CD58: variants seen among roughly 807,000 people sequenced by gnomAD.
CD58 encodes the protein lymphocyte function-associated antigen 3.
A neutral mutation model predicts 27.6 loss-of-function variants in CD58; 14 were observed. The observed-to-expected ratio is 0.51, with a 90% CI of 0.34 to 0.79. CD58 has a LOEUF of 0.79. Among genes scored for constraint, CD58 ranks in the 30% least tolerant of loss-of-function variants. CD58 has a pLI of 0.02. For synonymous variants in CD58, 117 were observed against 103.8 expected (o/e 1.13, Z -0.77); for missense variants, 268 against 301.7 (o/e 0.89, Z 0.83).
intron 2 of CD58, among the ~76,000 whole-genome samples, chr1:116,539,013 T>C (rs1176163586): frequency 6.6e-6 from 1 of 152,224 alleles, no homozygotes; most frequent in East Asian, 1.9e-4. Flanking sequence ...ATTGGGCAAG[T>C]TACTTAAATC....
rs1317264192 is a variant in CD58 at position 116,541,004 on chromosome 1, T to A, written c.364+3307A>T. Among the ~76,000 whole-genome samples the A allele has an allele frequency of 6.6e-6, 1 of 152,150 alleles. No homozygotes were observed. The highest frequency in any genetic ancestry group is 6.5e-5 in the Admixed American group (1 of 15,270). ...ATTTTATTTTTGTAGAGATGGAGTCTTGCTATGTTGCCTAGGATGGTCTTG... is the reference window on the plus strand; with the variant it reads ...ATTTTATTTTTGTAGAGATGGAGTCATGCTATGTTGCCTAGGATGGTCTTG... On this transcript the variant is annotated intron_variant, in intron 2 of 5. Coordinates refer to ENST00000369489, the MANE Select transcript of CD58 (RefSeq NM_001779.3). The surrounding 1 kb of genome is among the most constrained non-coding windows in gnomAD (Gnocchi z 5.3).
chr1:116,542,865 C>T (rs1398001074), intron 2 of CD58, among the ~76,000 whole-genome samples: 2 of 152,112 alleles, frequency 1.3e-5, no homozygotes, highest in East Asian at 1.9e-4. Context: ...TGGAAATTGC[C>T]CTCTGATTGC....
rs778661814 is a variant in CD58, at chr1:116,534,501, C to T, written c.628+1464G>A. 8.5e-5 allele frequency among the ~76,000 whole-genome samples: 13 copies of T among 152,216 alleles called. No homozygotes were observed. The highest frequency in any genetic ancestry group is 1.8e-4 in the Non-Finnish European group (12 of 68,038). On this transcript the variant is annotated intron_variant, in intron 3 of 5. Coordinates refer to ENST00000369489, the MANE Select transcript of CD58 (RefSeq NM_001779.3). This position sits in a 1 kb window ranked among gnomAD's most constrained non-coding sequence, Gnocchi z 5.3. ...GAGCTGCCAGCCCCCACTCGCCGCC[C>T]TCTACGCCTCCTCCGCTGGGCCGCC...
intron 4 of CD58, among the ~76,000 whole-genome samples, chr1:116,520,714 A>G (rs958344894): frequency 9.2e-5 from 14 of 152,130 alleles, no homozygotes; most frequent in Non-Finnish European, 1.9e-4. Context: ...ATTAAAATAG[A>G]TTTTTAAAAA....
chr1:116,559,880 C>G lies in CD58; in HGVS notation c.70+11023G>C, dbSNP rs780999081. The G allele has an allele frequency of 6.5e-6, 1 of 153,046 alleles. No individual in the cohort carries two copies. The highest frequency in any genetic ancestry group is 1.5e-5 in the Non-Finnish European group (1 of 68,040). The allele number at this position is 153,046 out of a possible 1,614,324, so 9.5% of individuals were successfully genotyped here. A position where few individuals can be genotyped will look rare whatever the true frequency, so the allele number is the denominator to read the frequency against. ...CCTATGCAATCCATCAAAGTAGCTA[C>G]CAGCTACAAGTGGCTAGTGAGAACC... On this transcript the variant is annotated intron_variant, in intron 1 of 5. Coordinates refer to ENST00000369489, the MANE Select transcript of CD58 (RefSeq NM_001779.3). The surrounding 1 kb of genome is among the most constrained non-coding windows in gnomAD (Gnocchi z 4.4).
chr1:116,514,584 T>C lies in CD58; in HGVS notation c.*229A>G, dbSNP rs1302060776. Reference sequence around the variant, plus strand: ...TTTACAAAAGTATCTACATCATCAGTAAAAACAATTTACTGACAAAAAAAG... The same window carrying C: ...TTTACAAAAGTATCTACATCATCAGCAAAAACAATTTACTGACAAAAAAAG... On this transcript the variant is annotated 3_prime_UTR_variant, in exon 6 of 6. Coordinates refer to ENST00000369489, the MANE Select transcript of CD58 (RefSeq NM_001779.3). The C allele has an allele frequency of 6.3e-6, 3 of 479,722 alleles. No individual in the cohort carries two copies. The highest frequency in any genetic ancestry group is 1.1e-5 in the Non-Finnish European group (3 of 265,962). 29.7% of individuals were successfully genotyped at this position (479,722 alleles called of 1,614,324 possible).
chr1:116,566,566 C>T (rs946089259), intron 1 of CD58, among the ~76,000 whole-genome samples: 7 of 152,150 alleles, frequency 4.6e-5, no homozygotes, highest in Non-Finnish European at 7.4e-5. Context: ...GGCAGGAACA[C>T]TACAAGATGA....
chr1:116,551,664 T>TCACAA (rs1209453121), intron 1 of CD58, among the ~76,000 whole-genome samples: 3 of 152,150 alleles, frequency 2.0e-5, no homozygotes, highest in African/African-American at 7.2e-5. Flanking sequence ...TCCTTTGAAT[T>TCACAA]CACAACTTCA....
Position 116,532,512 on chromosome 1 carries a change from TGAAAG to T in CD58, c.628+3448_628+3452del, listed in dbSNP as rs1346231438. 2.0e-5 allele frequency among the ~76,000 whole-genome samples: 3 copies of T among 152,280 alleles called. No individual in the cohort carries two copies. Among genetic ancestry groups the T allele is most frequent in the East Asian group, 1.9e-4 (1 of 5,154 alleles). On this transcript the variant is annotated intron_variant, in intron 3 of 5. Transcript: ENST00000369489. The surrounding 1 kb of genome is among the most constrained non-coding windows in gnomAD (Gnocchi z 5.1). ...AAAACAGCGAGTGGGTTTCTTCAAA[TGAAAG>T]GAAAGAATTCAGTCCAACTGCAGGA...
chr1:116,552,171 C>T lies in CD58; in HGVS notation c.71-7567G>A, dbSNP rs1318565832. On this transcript the variant is annotated intron_variant, in intron 1 of 5. Coordinates refer to ENST00000369489, the MANE Select transcript of CD58 (RefSeq NM_001779.3). This position sits in a 1 kb window ranked among gnomAD's most constrained non-coding sequence, Gnocchi z 4.5. ...AGCCATTGCAGGGTTATTAAATTGG[C>T]CTAATTTCAGTATCATTGTCTCAGG... Among the ~76,000 whole-genome samples, 2 of 152,140 alleles carry T rather than the reference C, an allele frequency of 1.3e-5. No individual in the cohort carries two copies. Among genetic ancestry groups the T allele is most frequent in the Admixed American group, 6.5e-5 (1 of 15,280 alleles).
At chr1:116,554,059 C>A (rs1658480935) in intron 1 of CD58, among the ~76,000 whole-genome samples, 1 of 152,142 alleles carries the variant, frequency 6.6e-6, no homozygotes, top group African/African-American at 2.4e-5. Flanking sequence ...CACATGCATA[C>A]AATTTATTTT....
chr1:116,514,758 T>C lies in CD58; in HGVS notation c.*55A>G. On this transcript the variant is annotated 3_prime_UTR_variant, in exon 6 of 6. Transcript: ENST00000369489. ...ATACTCAAATGAGAAATCAGATGGCTTTTTAGTTTTTAAAATAATTTAGTT... is the reference window on the plus strand; with the variant it reads ...ATACTCAAATGAGAAATCAGATGGCCTTTTAGTTTTTAAAATAATTTAGTT... 3 of 1,197,032 alleles carry C rather than the reference T, an allele frequency of 2.5e-6. No individual in the cohort carries two copies. The highest frequency in any genetic ancestry group is 3.6e-6 in the Non-Finnish European group (3 of 823,328). 74.2% of individuals were successfully genotyped at this position (1,197,032 alleles called of 1,614,324 possible). A position where few individuals can be genotyped will look rare whatever the true frequency, so the allele number is the denominator to read the frequency against.
chr1:116,561,017 A>C (rs1385266546), intron 1 of CD58, among the ~76,000 whole-genome samples: 1 of 152,236 alleles, frequency 6.6e-6, no homozygotes, highest in Admixed American at 6.5e-5. Flanking sequence ...GCACTTGTGC[A>C]GAAACAGCAT....
At chr1:116,560,684 G>A (rs1308363319) in intron 1 of CD58, among the ~76,000 whole-genome samples, 1 of 152,196 alleles carries the variant, frequency 6.6e-6, no homozygotes, top group East Asian at 1.9e-4. Flanking sequence ...GGGGAACATT[G>A]TAAAGTAAGC....
chr1:116,533,868 C>T lies in CD58; in HGVS notation c.628+2097G>A, dbSNP rs797017940. 1.8e-5 allele frequency: 18 copies of T among 997,748 alleles called. No individual in the cohort carries two copies. In the African/African-American group the frequency reaches 2.9e-4, roughly 16 times the overall value. 61.8% of individuals were successfully genotyped at this position (997,748 alleles called of 1,614,324 possible). A position where few individuals can be genotyped will look rare whatever the true frequency, so the allele number is the denominator to read the frequency against. On this transcript the variant is annotated intron_variant, in intron 3 of 5. Coordinates refer to ENST00000369489, the MANE Select transcript of CD58 (RefSeq NM_001779.3). ...ACTTGGCTTCTATATGAGCGCATCT[C>T]ACCTGAATTTGTTTCAATGCATTAA...
rs1305574775 is a variant in CD58, at chr1:116,524,373, A to C, written c.629-2390T>G. 6.6e-6 allele frequency among the ~76,000 whole-genome samples: 1 copy of C among 152,224 alleles called. No homozygotes were observed. Among genetic ancestry groups the C allele is most frequent in the African/African-American group, 2.4e-5 (1 of 41,474 alleles). ...TGGGTCCAAGAACCAAGAAGCATGC[A>C]AATTGCTACAGGACTGGCTCTTGTT... is the stretch of plus-strand genomic sequence containing the variant. On this transcript the variant is annotated intron_variant, in intron 3 of 5. Transcript: ENST00000369489. The surrounding 1 kb of genome is among the most constrained non-coding windows in gnomAD (Gnocchi z 4.6).
At position 116,524,486 on chromosome 1, in the gene CD58, A is replaced by C. The variant is rs1657369154; in HGVS notation, c.629-2503T>G. On this transcript the variant is annotated intron_variant, in intron 3 of 5. Coordinates refer to ENST00000369489, the MANE Select transcript of CD58 (RefSeq NM_001779.3). This position sits in a 1 kb window ranked among gnomAD's most constrained non-coding sequence, Gnocchi z 4.6. ...AATGGGTCATGCTGGCATTATGCTGAACCCTATTAAGCTGCCAAGATTCAA... is the reference window on the plus strand; with the variant it reads ...AATGGGTCATGCTGGCATTATGCTGCACCCTATTAAGCTGCCAAGATTCAA... Among the ~76,000 whole-genome samples the C allele has an allele frequency of 6.6e-6, 1 of 152,232 alleles. No homozygotes were observed. Among genetic ancestry groups the C allele is most frequent in the South Asian group, 2.1e-4 (1 of 4,834 alleles).
rs17035942 is a variant in CD58, at chr1:116,517,661, T to C, written c.743+1570A>G. 0.03 allele frequency among the ~76,000 whole-genome samples: 4,645 copies of C among 152,298 alleles called. 234 individuals are homozygous for C. Among genetic ancestry groups the C allele is most frequent in the African/African-American group, 0.11 (4,417 of 41,534 alleles). On this transcript the variant is annotated intron_variant, in intron 5 of 5. Transcript: ENST00000369489. The surrounding 1 kb of genome is among the most constrained non-coding windows in gnomAD (Gnocchi z 6.5). ...CTACCCTGGCTCTGATCCTGGACTTTGCTTCCCCAGTCCCGCCTCCTCTGC... is the reference window on the plus strand; with the variant it reads ...CTACCCTGGCTCTGATCCTGGACTTCGCTTCCCCAGTCCCGCCTCCTCTGC...
chr1:116,562,368 G>T (rs1326532503), intron 1 of CD58, among the ~76,000 whole-genome samples: 1 of 152,002 alleles, frequency 6.6e-6, no homozygotes, highest in East Asian at 1.9e-4. Flanking sequence ...ACCCAGGCTG[G>T]AATGCAGTTG....
Sources: gnomAD v4.1 joint callset for allele counts (sites outside exome capture counted in the v4.1 genomes callset) on GRCh38, gnomAD v4.1.1 for gene constraint, Gnocchi (gnomAD v3.1) non-coding constraint, MANE v1.5 for transcripts, NCBI Gene and HGNC (gene_info 2026-07-23, HGNC 2026-07-21) for gene names.